The following ALOX12 variants were observed in gnomAD, a reference collection of about 807,000 sequenced individuals.
The protein encoded by ALOX12 is polyunsaturated fatty acid lipoxygenase ALOX12.
In ALOX12, 62 loss-of-function variants were observed where a neutral mutation model predicts 85.5. The ratio of observed to expected loss-of-function variants is 0.73; its 90% CI spans 0.59 to 0.90. ALOX12 has a LOEUF of 0.90. Ranked by LOEUF, ALOX12 falls within the 40% of genes least tolerant of loss-of-function variation. The pLI is 0.00. For synonymous variants in ALOX12, 299 were observed against 332.7 expected (o/e 0.90, Z 1.10); for missense variants, 751 against 856.5 (o/e 0.88, Z 1.54).
intron 9 of ALOX12, 131 bp downstream of exon 9, chr17:7,005,474 CTTTTTTTTTTTT>C (rs35201122): frequency 4.0e-5 from 9 of 223,310 alleles, no homozygotes; most frequent in African/African-American, 2.2e-4. Flanking sequence ...ATACCCATGT[CTTTTTTTTTTTT>C]TTTTTTTTTT....
chr17:7,008,735 G>A (rs1909216385), intron 11 of ALOX12, among the ~76,000 whole-genome samples: 1 of 148,302 alleles, frequency 6.7e-6, no homozygotes, highest in Admixed American at 7.0e-5. Context: ...AACAGAGCAA[G>A]ACTCCGTCTC....
rs1308884884 is a variant in ALOX12, at chr17:7,000,678, C to T, written c.951+199C>T. On this transcript the variant is annotated intron_variant, in intron 7 of 13. Transcript: ENST00000251535. The surrounding 1 kb of genome is among the most constrained non-coding windows in gnomAD (Gnocchi z 4.6). ...ACTTTTTCAAGAGTCAAAATGGCCT[C>T]CTGGAGTTCTCATCCTGTATCCAAT... 6.6e-6 allele frequency among the ~76,000 whole-genome samples: 1 copy of T among 152,208 alleles called. No individual in the cohort carries two copies.
chr17:7,000,554 A>G lies in ALOX12; in HGVS notation c.951+75A>G. 1.3e-6 allele frequency: 2 copies of G among 1,550,042 alleles called. No homozygotes were observed. Among genetic ancestry groups the G allele is most frequent in the South Asian group, 2.4e-5 (2 of 84,562 alleles). ...CTCTGCTCCCAGGGACCCAACCCCC[A>G]GCTCTTGGCTCCCAAACCCCATCCT... On this transcript the variant is annotated intron_variant, in intron 7 of 13. Transcript: ENST00000251535. This position sits in a 1 kb window ranked among gnomAD's most constrained non-coding sequence, Gnocchi z 4.6.
At position 7,005,261 on chromosome 17, in the gene ALOX12, T is replaced by A; in HGVS notation, c.1166T>A (p.Leu389Gln). 1 of 1,613,408 alleles carries A rather than the reference T, an allele frequency of 6.2e-7. No homozygotes were observed. Among genetic ancestry groups the A allele is most frequent in the Non-Finnish European group, 8.5e-7 (1 of 1,179,400 alleles). The change falls in exon 9 of 14, where the codon CTG becomes CAG. Residue 389 changes from leucine (L) to glutamine (Q), a missense_variant. Physicochemically the swap from Leu to Gln is moderately radical, Grantham distance 113 (BLOSUM62 -2). Coordinates refer to ENST00000251535, the MANE Select transcript of ALOX12 (RefSeq NM_000697.3). ...CTCCAATCTCCTCCTCTCCAGTTCC[T>A]GATCCCCCATATCCGCTACACCATG... ...LPGLHPIFKF[L>Q]IPHIRYTMEI... is the part of the protein sequence containing the mutation.
At position 7,000,381 on chromosome 17, in the gene ALOX12, C is replaced by G. The variant is rs1284254763; in HGVS notation, c.853C>G (p.Pro285Ala). The G allele has an allele frequency of 3.1e-6, 5 of 1,614,068 alleles. No homozygotes were observed. In the African/African-American group the frequency reaches 4.0e-5, roughly 13 times the overall value. Residue 285 changes from proline to alanine, a missense_variant, in exon 7 of 14, where the codon CCA becomes GCA. Pro to Ala is a conservative substitution (Grantham distance 27). Coordinates refer to ENST00000251535, the MANE Select transcript of ALOX12 (RefSeq NM_000697.3). The surrounding 1 kb of genome is among the most constrained non-coding windows in gnomAD (Gnocchi z 4.6). ...TGACTTCATCCTTCTGGATGGAATT[C>G]CAGCCAACGTGATCCGAGGAGAGAA... ...EADFILLDGIPANVIRGEKQY... is the reference protein window; with the variant it reads ...EADFILLDGIAANVIRGEKQY...
chr17:7,009,249 C>T (rs2246200), intron 11 of ALOX12, among the ~76,000 whole-genome samples: 22 of 151,654 alleles, frequency 1.5e-4, no homozygotes, highest in African/African-American at 4.6e-4. Context: ...TTAGTAGAGA[C>T]GGGGTTTCAC....
At chr17:7,009,161 G>A (rs1185029422) in intron 11 of ALOX12, among the ~76,000 whole-genome samples, 2 of 150,986 alleles carry the variant, frequency 1.3e-5, no homozygotes, top group Non-Finnish European at 2.9e-5. Flanking sequence ...CCGGGTTCAC[G>A]CCATTCTCCT....
chr17:7,006,054 T>TTG, intron 10 of ALOX12, 27 bp downstream of exon 10: 1 of 2,438 alleles, frequency 4.1e-4, no homozygotes, highest in Non-Finnish European at 8.3e-4. Context: ...TGAGAAATGG[T>TTG]GGGGCCGGGG....
chr17:7,006,521 G>C lies in ALOX12; in HGVS notation c.1454G>C (p.Arg485Thr), dbSNP rs200671464. 6 of 1,613,738 alleles carry C rather than the reference G, an allele frequency of 3.7e-6. No individual in the cohort carries two copies. In the South Asian group the frequency reaches 6.6e-5, roughly 18 times the overall value. Residue 485 changes from arginine (R) to threonine (T), a missense_variant, in exon 11 of 14, where the codon AGG (arginine) becomes ACG (threonine). By Grantham distance (71) the Arg-to-Thr change is moderately conservative. Coordinates refer to ENST00000251535, the MANE Select transcript of ALOX12 (RefSeq NM_000697.3). ...VEGIVHLFYQ[R>T]DDIVKGDPEL... ...GGGATCGTCCACCTCTTCTACCAAAGGGATGACATAGTGAAGGGGGACCCT... is the reference window on the plus strand; with the variant it reads ...GGGATCGTCCACCTCTTCTACCAAACGGATGACATAGTGAAGGGGGACCCT...
rs767069577 is a variant in ALOX12, at chr17:7,005,957, C to T, written c.1348C>T (p.Arg450Trp). ...CTGTCCTCCTGACGACCTGGCTGAC[C>T]GGGGCCTGCTGGGACTCCCAGGTGC... is the stretch of plus-strand genomic sequence containing the variant. ...SLCPPDDLAD[R>W]GLLGLPGALY... Residue 450 changes from arginine to tryptophan, a missense_variant, in exon 10 of 14, where the codon CGG (arginine) becomes TGG (tryptophan). Coordinates refer to ENST00000251535, the MANE Select transcript of ALOX12 (RefSeq NM_000697.3). The T allele has an allele frequency of 8.7e-6, 14 of 1,611,522 alleles. No individual in the cohort carries two copies. Among genetic ancestry groups the T allele is most frequent in the South Asian group, 7.7e-5 (7 of 91,032 alleles).
intron 7 of ALOX12, 69 bp from the exon 8 acceptor site, chr17:7,001,533 G>T: frequency 7.0e-7 from 1 of 1,435,606 alleles, no homozygotes; most frequent in Non-Finnish European, 9.7e-7. Context: ...AGTCATCTCT[G>T]TTTCCCCAAG....
At chr17:7,001,871 T>C in intron 8 of ALOX12, 60 bp downstream of exon 8, 1 of 1,440,192 alleles carries the variant, frequency 6.9e-7, no homozygotes, top group East Asian at 2.3e-5. Context: ...AACAGCCCCA[T>C]ATCAAAAGAT....
intron 11 of ALOX12, 129 bp downstream of exon 11, chr17:7,006,736 G>A (rs1453744907): frequency 3.1e-5 from 39 of 1,270,400 alleles, no homozygotes; most frequent in Non-Finnish European, 4.1e-5. Flanking sequence ...ACACGGGAAA[G>A]CATGTGTATC....
At position 6,996,168 on chromosome 17, in the gene ALOX12, G is replaced by A. The variant is rs1908419932; in HGVS notation, c.51G>A (p.Gly17=). 8.0e-7 allele frequency: 1 copy of A among 1,254,578 alleles called. No homozygotes were observed. The highest frequency in any genetic ancestry group is 1.5e-5 in the African/African-American group (1 of 64,608). The allele number at this position is 1,254,578 out of a possible 1,614,324, so 77.7% of individuals were successfully genotyped here. Residue 17 remains glycine, a synonymous_variant, in exon 1 of 14, where the codon GGG becomes GGA. Transcript: ENST00000251535. ...CCACCGGGGCCTGGCTCTTCTCCGGGTCGTACAACCGCGTGCAGCTTTGGC... is the reference window on the plus strand; with the variant it reads ...CCACCGGGGCCTGGCTCTTCTCCGGATCGTACAACCGCGTGCAGCTTTGGC... The part of the protein sequence containing the change: ...RVATGAWLFS[G]SYNRVQLWLV...
chr17:6,996,096 G>T lies in ALOX12; in HGVS notation c.-22G>T. 1 of 1,245,566 alleles carries T rather than the reference G, an allele frequency of 8.0e-7. No individual in the cohort carries two copies. The highest frequency in any genetic ancestry group is 1.0e-6 in the Non-Finnish European group (1 of 988,576). 77.2% of individuals were successfully genotyped at this position (1,245,566 alleles called of 1,614,324 possible). A position where few individuals can be genotyped will look rare whatever the true frequency, so the allele number is the denominator to read the frequency against. On this transcript the variant is annotated 5_prime_UTR_variant, in exon 1 of 14. Transcript: ENST00000251535. ...AATCGCACAGGACCCGGCTCCCCTCGCCTAAGCTGCTGGGGGGCGCCATGG... is the reference window on the plus strand; with the variant it reads ...AATCGCACAGGACCCGGCTCCCCTCTCCTAAGCTGCTGGGGGGCGCCATGG...
At chr17:7,001,375 C>G (rs1469448354) in intron 7 of ALOX12, 6 of 572,332 alleles carry the variant, frequency 1.0e-5, no homozygotes, top group Non-Finnish European at 1.9e-5. Context: ...TCCCACACCA[C>G]TGTTAGGGCC....
At chr17:6,996,331 A>C in intron 1 of ALOX12, 79 bp downstream of exon 1, 3 of 1,123,978 alleles carry the variant, frequency 2.7e-6, no homozygotes, top group Non-Finnish European at 3.3e-6. Flanking sequence ...TCGCGGCGGG[A>C]GGGCGGGAGG....
intron 2 of ALOX12, among the ~76,000 whole-genome samples, chr17:6,998,265 G>A (rs1373431470): frequency 6.6e-6 from 1 of 152,122 alleles, no homozygotes; most frequent in African/African-American, 2.4e-5. Context: ...AGAAATGGTG[G>A]CAAACAGGAG....
chr17:6,999,197 G>A (rs140855157), intron 5 of ALOX12, 109 bp from the exon 6 acceptor site: 25 of 1,514,450 alleles, frequency 1.7e-5, no homozygotes, highest in Middle Eastern at 1.8e-4. Context: ...GAATGAAAAC[G>A]CAGAAGCTGG....
Sources: gnomAD v4.1 joint callset for allele counts (sites outside exome capture counted in the v4.1 genomes callset) on GRCh38, gnomAD v4.1.1 for gene constraint, Gnocchi (gnomAD v3.1) non-coding constraint, MANE v1.5 for transcripts, NCBI Gene and HGNC (gene_info 2026-07-23, HGNC 2026-07-21) for gene names.